The following OPCML variants were observed in gnomAD, a reference collection of about 807,000 sequenced individuals.
OPCML encodes opioid binding protein/cell adhesion molecule like.
OPCML carries 13 observed loss-of-function variants against 37.8 expected under a neutral mutation model. The ratio of observed to expected loss-of-function variants is 0.34; its 90% CI spans 0.22 to 0.55. OPCML has a LOEUF of 0.55. Ranked by LOEUF, OPCML falls within the 20% of genes least tolerant of loss-of-function variation. The pLI, the probability that OPCML is intolerant of heterozygous loss-of-function variation, is 0.91. For synonymous variants in OPCML, 176 were observed against 168.8 expected (o/e 1.04, Z -0.33); for missense variants, 341 against 435.6 (o/e 0.78, Z 1.93).
At position 133,131,709 on chromosome 11, in the gene OPCML, C is replaced by A. The variant is rs141202729; in HGVS notation, c.62-188699G>T. Among the ~76,000 whole-genome samples, 177 of 152,238 alleles carry A rather than the reference C, an allele frequency of 1.2e-3. 1 individual carries two copies. The highest frequency in any genetic ancestry group is 4.2e-3 in the African/African-American group (173 of 41,546). On this transcript the variant is annotated intron_variant, in intron 1 of 7. Coordinates refer to ENST00000524381, the MANE Select transcript of OPCML (RefSeq NM_001012393.5). ...TACTTATGTCCACATAAAAACCTGC[C>A]CATGAATGTTTGCATATATTTAAGA...
In OPCML at chr11:133,339,000, G is replaced by A. The variant is rs1281309910; in HGVS notation, c.61+193264C>T. ...GTGCAAGGACTGAGCGTGTCCAGCT[G>A]ACAATGTTCCTATTGTCTCTCACCT... is the stretch of plus-strand genomic sequence containing the variant. On this transcript the variant is annotated intron_variant, in intron 1 of 7. Transcript: ENST00000524381. Among the ~76,000 whole-genome samples the A allele has an allele frequency of 2.0e-5, 3 of 152,178 alleles. No individual in the cohort carries two copies. The East Asian group carries it at 5.8e-4, about 29-fold the overall frequency.
intron 1 of OPCML, among the ~76,000 whole-genome samples, chr11:133,349,770 G>C (rs965149768): frequency 5.3e-5 from 8 of 152,148 alleles, no homozygotes; most frequent in African/African-American, 1.9e-4. Context: ...ATCCCAGACG[G>C]AAATAGTGGG....
At chr11:132,826,323 T>C (rs1279097095) in intron 2 of OPCML, among the ~76,000 whole-genome samples, 3 of 152,252 alleles carry the variant, frequency 2.0e-5, no homozygotes, top group Non-Finnish European at 2.9e-5. Context: ...AACTACTTTA[T>C]TTCCAAATAC....
At chr11:133,126,828 C>T (rs773368384) in intron 1 of OPCML, among the ~76,000 whole-genome samples, 9 of 152,076 alleles carry the variant, frequency 5.9e-5, no homozygotes, top group South Asian at 2.1e-4. Context: ...TAGGGACCCA[C>T]GGGCACATGC....
At chr11:133,334,802 G>A (rs1592211525) in intron 1 of OPCML, among the ~76,000 whole-genome samples, 1 of 152,148 alleles carries the variant, frequency 6.6e-6, no homozygotes, top group East Asian at 1.9e-4. Context: ...GGATTAACTT[G>A]CAATCTTCTG....
chr11:133,392,405 T>C (rs150158130), intron 1 of OPCML, among the ~76,000 whole-genome samples: 66 of 152,312 alleles, frequency 4.3e-4, no homozygotes, highest in Non-Finnish European at 7.5e-4. Flanking sequence ...ATCTTGGCAC[T>C]AAGAAAACTG....
At chr11:132,425,235 C>T (rs1206076148) in intron 7 of OPCML, among the ~76,000 whole-genome samples, 1 of 152,134 alleles carries the variant, frequency 6.6e-6, no homozygotes, top group Non-Finnish European at 1.5e-5. Context: ...ATCCTCTGTC[C>T]TTGATTAAAT....
At chr11:133,335,907 T>C (rs1943735721) in intron 1 of OPCML, among the ~76,000 whole-genome samples, 1 of 151,738 alleles carries the variant, frequency 6.6e-6, no homozygotes, top group African/African-American at 2.4e-5. Context: ...AGAACAACAG[T>C]GATGGGAGTC....
At chr11:132,547,913 T>C (rs1477285223) in intron 3 of OPCML, among the ~76,000 whole-genome samples, 2 of 152,160 alleles carry the variant, frequency 1.3e-5, no homozygotes, top group African/African-American at 4.8e-5. Context: ...AATGCAAGAT[T>C]AATTCCCAAT....
At chr11:132,705,759 C>A (rs1944007851) in intron 2 of OPCML, among the ~76,000 whole-genome samples, 2 of 152,080 alleles carry the variant, frequency 1.3e-5, no homozygotes, top group South Asian at 4.2e-4. Flanking sequence ...CTAAAGCCTG[C>A]AGAACTGTGA....
At chr11:133,529,163 TGACA>T in intron 1 of OPCML, among the ~76,000 whole-genome samples, 1 of 152,326 alleles carries the variant, frequency 6.6e-6, no homozygotes, top group Admixed American at 6.5e-5. Flanking sequence ...AGGTTTTAAG[TGACA>T]GACAGAGTGG....
intron 2 of OPCML, among the ~76,000 whole-genome samples, chr11:132,942,655 C>A (rs1053677262): frequency 2.0e-5 from 3 of 152,202 alleles, no homozygotes; most frequent in Non-Finnish European, 4.4e-5. Context: ...AGGAGAGAAT[C>A]TAGCCTGTCG....
At chr11:132,599,634 A>G (rs1336384098) in intron 3 of OPCML, among the ~76,000 whole-genome samples, 1 of 152,164 alleles carries the variant, frequency 6.6e-6, no homozygotes, top group Non-Finnish European at 1.5e-5. Context: ...TCAGTGCAGA[A>G]GAAGCCCCGA....
intron 4 of OPCML, among the ~76,000 whole-genome samples, chr11:132,451,657 C>A (rs2096068648): frequency 6.6e-6 from 1 of 152,178 alleles, no homozygotes; most frequent in Non-Finnish European, 1.5e-5. Context: ...AGGGGTGCGG[C>A]TCTGTTGCTG....
intron 1 of OPCML, among the ~76,000 whole-genome samples, chr11:132,972,027 A>G (rs1591863194): frequency 1.3e-5 from 2 of 152,310 alleles, no homozygotes; most frequent in South Asian, 4.1e-4. Context: ...CCAAGGGCCT[A>G]AATACTTGCC....
chr11:132,542,238 G>T (rs73035375), intron 3 of OPCML, among the ~76,000 whole-genome samples: 28,101 of 152,082 alleles, frequency 0.18, 3,178 homozygotes, highest in Middle Eastern at 0.34. Flanking sequence ...AAGATGCCTG[G>T]GCTGAGAATT....
intron 2 of OPCML, among the ~76,000 whole-genome samples, chr11:132,796,284 T>A (rs1253052094): frequency 1.3e-5 from 2 of 152,230 alleles, no homozygotes; most frequent in East Asian, 3.8e-4. Context: ...ATTCATCAAT[T>A]TATCAATTGA....
chr11:133,158,712 A>AAAAAAATAAAAT (rs1555105905), intron 1 of OPCML, among the ~76,000 whole-genome samples: 48 of 134,252 alleles, frequency 3.6e-4, no homozygotes, highest in African/African-American at 1.4e-3. Flanking sequence ...ATAAAATTAA[A>AAAAAAATAAAAT]AAAATAAAAT....
chr11:133,142,067 TATG>T (rs1354967179), intron 1 of OPCML, among the ~76,000 whole-genome samples: 1 of 152,260 alleles, frequency 6.6e-6, no homozygotes, highest in Non-Finnish European at 1.5e-5. Flanking sequence ...GAGTAGTTGA[TATG>T]ATTAGTTGGT....
Sources: allele counts gnomAD v4.1 joint callset (sites outside exome capture counted in the v4.1 genomes callset), GRCh38; gene constraint gnomAD v4.1.1; transcripts MANE v1.5; gene names NCBI Gene and HGNC (gene_info 2026-07-23, HGNC 2026-07-21).